Variants in SPEF2 observed in about 807,000 individuals in gnomAD.
The protein encoded by SPEF2 is sperm flagellar and cilia associated 2.
A neutral mutation model predicts 224.6 loss-of-function variants in SPEF2; 187 were observed. The ratio of observed to expected loss-of-function variants is 0.83; its 90% CI spans 0.74 to 0.94. The LOEUF (loss-of-function observed/expected upper bound fraction) is 0.94, where lower values mean the gene tolerates loss of function less well. Among genes scored for constraint, SPEF2 ranks in the 40% least tolerant of loss-of-function variants. SPEF2 has a pLI of 0.00. For missense variants in SPEF2, 2,170 were observed against 2,135.6 expected (o/e 1.02, Z -0.32); for synonymous variants, 715 against 707.3 (o/e 1.01, Z -0.17).
Position 35,700,651 on chromosome 5 carries a change from C to A in SPEF2, c.2297C>A (p.Ala766Glu), listed in dbSNP as rs754396158. 5 of 1,613,848 alleles carry A rather than the reference C, an allele frequency of 3.1e-6. No homozygotes were observed. The Middle Eastern group carries it at 4.9e-4, about 159-fold the overall frequency. The stretch of plus-strand genomic sequence containing the variant: ...AAATCCACATTGGCTATTGATCCTG[C>A]GACTTCCAAAGAAATACCTCTTCCC... The part of the protein sequence containing the change: ...AQKSTLAIDP[A>E]TSKEIPLPSP... The change falls in exon 16 of 37, where the codon GCG (alanine) becomes GAG (glutamate). Residue 766 changes from alanine (A) to glutamate (E), a missense_variant. Physicochemically the swap from Ala to Glu is moderately radical, Grantham distance 107 (BLOSUM62 -1). Coordinates refer to ENST00000356031, the MANE Select transcript of SPEF2 (RefSeq NM_024867.4).
chr5:35,755,622 A>G (rs1014032654), intron 24 of SPEF2, among the ~76,000 whole-genome samples: 1 of 152,158 alleles, frequency 6.6e-6, no homozygotes, highest in Non-Finnish European at 1.5e-5. Flanking sequence ...AATATATTAA[A>G]ACTTCACAAC....
chr5:35,640,746 A>T (rs1324122957), intron 2 of SPEF2, among the ~76,000 whole-genome samples: 3 of 152,208 alleles, frequency 2.0e-5, no homozygotes. Context: ...TATTTATGTT[A>T]AAAGAGTTAC....
intron 24 of SPEF2, among the ~76,000 whole-genome samples, chr5:35,755,814 T>G (rs7443019): frequency 0.86 from 130,098 of 152,070 alleles, 56,765 homozygotes; most frequent in Non-Finnish European, 0.94. Flanking sequence ...TTCACCATGT[T>G]GGCCAGGCTG....
intron 17 of SPEF2, among the ~76,000 whole-genome samples, chr5:35,704,863 G>GA (rs956993105): frequency 2.0e-5 from 3 of 152,050 alleles, no homozygotes; most frequent in African/African-American, 7.2e-5. Context: ...TCATTAGTCT[G>GA]AAAAAAAGAA....
intron 20 of SPEF2, among the ~76,000 whole-genome samples, chr5:35,717,907 G>A (rs539345084): frequency 1.3e-5 from 2 of 152,180 alleles, no homozygotes; most frequent in African/African-American, 4.8e-5. Context: ...CTGCTGACAG[G>A]GGGCGCTGTT....
chr5:35,812,533 A>G (rs1758607665), intron 36 of SPEF2, among the ~76,000 whole-genome samples: 1 of 152,236 alleles, frequency 6.6e-6, no homozygotes, highest in Non-Finnish European at 1.5e-5. Flanking sequence ...TGGTGAACAA[A>G]GTCAATTTCC....
At chr5:35,659,933 T>A (rs1448462192) in intron 8 of SPEF2, among the ~76,000 whole-genome samples, 2 of 151,976 alleles carry the variant, frequency 1.3e-5, no homozygotes, top group Non-Finnish European at 2.9e-5. Context: ...GCCCATATTA[T>A]GCTATTCCTT....
intron 2 of SPEF2, among the ~76,000 whole-genome samples, chr5:35,639,059 C>T (rs949716814): frequency 6.6e-6 from 1 of 152,074 alleles, no homozygotes; most frequent in African/African-American, 2.4e-5. Context: ...ACACAAAGGC[C>T]TTTTTACAAG....
intron 19 of SPEF2, among the ~76,000 whole-genome samples, chr5:35,711,541 C>A (rs1417337308): frequency 6.6e-6 from 1 of 152,056 alleles, no homozygotes; most frequent in Non-Finnish European, 1.5e-5. Flanking sequence ...TAGAATAATA[C>A]TACCTATACT....
At position 35,776,247 on chromosome 5, in the gene SPEF2, T is replaced by C; in HGVS notation, c.4079-10T>C. The C allele has an allele frequency of 6.3e-7, 1 of 1,599,882 alleles. No homozygotes were observed. The highest frequency in any genetic ancestry group is 8.5e-7 in the Non-Finnish European group (1 of 1,174,668). On this transcript the variant is annotated splice_polypyrimidine_tract_variant and intron_variant, in intron 28 of 36. Coordinates refer to ENST00000356031, the MANE Select transcript of SPEF2 (RefSeq NM_024867.4). The stretch of plus-strand genomic sequence containing the variant: ...TATGTTAAAACATTCTTATTTCTCT[T>C]TGCAAATAGAAATAGCCACGCAATT...
intron 10 of SPEF2, among the ~76,000 whole-genome samples, chr5:35,672,786 G>A (rs1751366849): frequency 6.6e-6 from 1 of 152,016 alleles, no homozygotes; most frequent in Non-Finnish European, 1.5e-5. Context: ...ATACTTAATT[G>A]ATGTCCATAC....
chr5:35,770,350 T>C (rs1752658694), intron 26 of SPEF2, among the ~76,000 whole-genome samples: 1 of 152,164 alleles, frequency 6.6e-6, no homozygotes, highest in Non-Finnish European at 1.5e-5. Context: ...ATTATTTTTG[T>C]GGTTAGAACA....
At chr5:35,754,008 G>A (rs1750078614) in intron 24 of SPEF2, among the ~76,000 whole-genome samples, 1 of 152,022 alleles carries the variant, frequency 6.6e-6, no homozygotes, top group Non-Finnish European at 1.5e-5. Flanking sequence ...CTCCCAGGTG[G>A]CCTAGATATG....
chr5:35,800,179 G>A, intron 34 of SPEF2, 32 bp downstream of exon 34: 1 of 1,595,834 alleles, frequency 6.3e-7, no homozygotes, highest in Non-Finnish European at 8.5e-7. Flanking sequence ...ACTAACTATA[G>A]AGTCTAGAGG....
At chr5:35,748,551 A>G (rs1486774328) in intron 23 of SPEF2, among the ~76,000 whole-genome samples, 1 of 152,154 alleles carries the variant, frequency 6.6e-6, no homozygotes, top group East Asian at 1.9e-4. Context: ...ACACCTTTAC[A>G]CACATAAACC....
At chr5:35,772,753 T>C (rs1753050481) in intron 27 of SPEF2, among the ~76,000 whole-genome samples, 1 of 152,210 alleles carries the variant, frequency 6.6e-6, no homozygotes, top group African/African-American at 2.4e-5. Flanking sequence ...GGAATCACTG[T>C]TGGGGTCTGA....
chr5:35,659,542 A>G (rs1440526237), intron 8 of SPEF2, among the ~76,000 whole-genome samples: 1 of 152,160 alleles, frequency 6.6e-6, no homozygotes, highest in Non-Finnish European at 1.5e-5. Context: ...CATGGAAACC[A>G]TATTCCCTGA....
chr5:35,629,283 A>G (rs1368905178), intron 2 of SPEF2, among the ~76,000 whole-genome samples: 1 of 148,622 alleles, frequency 6.7e-6, no homozygotes, highest in Non-Finnish European at 1.5e-5. Flanking sequence ...CCTCCCGAGT[A>G]GCTGGGACTA....
At chr5:35,676,045 C>A in intron 10 of SPEF2, 1 of 455,902 alleles carries the variant, frequency 2.2e-6, no homozygotes, top group South Asian at 1.5e-5. Context: ...GTATCAAGTT[C>A]AAGACGTTAG....
Sources: allele counts gnomAD v4.1 joint callset (sites outside exome capture counted in the v4.1 genomes callset), GRCh38; gene constraint gnomAD v4.1.1; transcripts MANE v1.5; gene names NCBI Gene and HGNC (gene_info 2026-07-23, HGNC 2026-07-21).